The following PSMD14 variants were observed in gnomAD, a reference collection of about 807,000 sequenced individuals.
PSMD14 encodes proteasome 26S subunit, non-ATPase 14, also known as ubiquitin C-terminal hydrolase PSMD14.
PSMD14 carries 7 observed loss-of-function variants against 41.2 expected under a neutral mutation model. The ratio of observed to expected loss-of-function variants is 0.17; its 90% CI spans 0.10 to 0.32. PSMD14 has a LOEUF of 0.32. Among genes scored for constraint, PSMD14 ranks in the 10% least tolerant of loss-of-function variants. The pLI, the probability that PSMD14 is intolerant of heterozygous loss-of-function variation, is 1.00. For missense variants in PSMD14, 139 were observed against 375.6 expected, an observed-to-expected ratio of 0.37 and a Z score of 5.21; for synonymous variants, 114 against 122.3, an observed-to-expected ratio of 0.93 and a Z score of 0.45.
chr2:161,361,539 G>T (rs919416306), intron 3 of PSMD14, among the ~76,000 whole-genome samples: 5 of 151,470 alleles, frequency 3.3e-5, no homozygotes, highest in Non-Finnish European at 5.9e-5. Flanking sequence ...TTTTCAGTTT[G>T]TTTTATAACT....
At chr2:161,403,245 C>T (rs1683905188) in intron 10 of PSMD14, among the ~76,000 whole-genome samples, 1 of 152,156 alleles carries the variant, frequency 6.6e-6, no homozygotes, top group Admixed American at 6.5e-5. Flanking sequence ...CATGCTACTA[C>T]ATGGATGGAC....
At chr2:161,377,948 A>G (rs1683523678) in intron 7 of PSMD14, among the ~76,000 whole-genome samples, 1 of 151,924 alleles carries the variant, frequency 6.6e-6, no homozygotes, top group Non-Finnish European at 1.5e-5. Flanking sequence ...CCAGTTTTGT[A>G]CCAGCAAGTG....
chr2:161,342,574 T>C (rs2105242844), intron 3 of PSMD14, among the ~76,000 whole-genome samples: 1 of 152,270 alleles, frequency 6.6e-6, no homozygotes, highest in South Asian at 2.1e-4. Context: ...TGAAATAAGT[T>C]TCTTGTAGGC....
intron 3 of PSMD14, among the ~76,000 whole-genome samples, chr2:161,333,272 T>C (rs190029187): frequency 2.6e-5 from 4 of 152,382 alleles, no homozygotes; most frequent in South Asian, 2.1e-4. Flanking sequence ...TGCCTGTGCA[T>C]GTGATTAGAT....
chr2:161,351,734 G>A (rs1267538864), intron 3 of PSMD14, among the ~76,000 whole-genome samples: 2 of 152,156 alleles, frequency 1.3e-5, no homozygotes, highest in African/African-American at 2.4e-5. Context: ...TGGGTCGTCT[G>A]GGTGCTCTGT....
At chr2:161,365,060 C>T (rs1314149455) in intron 3 of PSMD14, among the ~76,000 whole-genome samples, 2 of 152,094 alleles carry the variant, frequency 1.3e-5, no homozygotes, top group South Asian at 4.2e-4. Context: ...GAGCCAAGAT[C>T]GCGCCATTGC....
intron 7 of PSMD14, among the ~76,000 whole-genome samples, chr2:161,373,876 TG>T: frequency 6.6e-6 from 1 of 152,084 alleles, no homozygotes; most frequent in Admixed American, 6.6e-5. Context: ...ATATTTTTAT[TG>T]AATAATTGCT....
At chr2:161,391,241 C>A in intron 9 of PSMD14, 63 bp downstream of exon 9, 2 of 1,412,744 alleles carry the variant, frequency 1.4e-6, no homozygotes, top group Non-Finnish European at 1.9e-6. Flanking sequence ...TAAACTATTA[C>A]CTGGTATGTG....
At chr2:161,313,133 A>G (rs1019864021) in intron 1 of PSMD14, among the ~76,000 whole-genome samples, 2 of 152,158 alleles carry the variant, frequency 1.3e-5, no homozygotes, top group African/African-American at 4.8e-5. Flanking sequence ...ACTCAAGGAC[A>G]GGGAACTTGT....
intron 8 of PSMD14, 84 bp from the exon 9 acceptor site, chr2:161,391,020 T>C (rs1683704149): frequency 8.1e-7 from 1 of 1,240,224 alleles, no homozygotes; most frequent in Non-Finnish European, 1.1e-6. Flanking sequence ...ACAGGTATTA[T>C]GTAAGAATAT....
At chr2:161,348,589 A>G (rs1164642608) in intron 3 of PSMD14, among the ~76,000 whole-genome samples, 1 of 152,232 alleles carries the variant, frequency 6.6e-6, no homozygotes, top group African/African-American at 2.4e-5. Context: ...ATGAAAAAGC[A>G]CATGGAGGAA....
rs148676457 is a variant in PSMD14, at chr2:161,335,800, G to T, written c.48+16927G>T. Among the ~76,000 whole-genome samples the T allele has an allele frequency of 4.1e-4, 62 of 152,290 alleles. 2 individuals carry two copies. The East Asian group carries it at 0.012, about 29-fold the overall frequency. ...TATGGTAGAAAGAATACAGGATTTG[G>T]CTTTGAATTTAGGCTTTACTACTTA... On this transcript the variant is annotated intron_variant, in intron 3 of 11. Coordinates refer to ENST00000409682, the MANE Select transcript of PSMD14 (RefSeq NM_005805.6).
In PSMD14 at chr2:161,347,412, G is replaced by A. The variant is rs551477527; in HGVS notation, c.49-20066G>A. 4.6e-5 allele frequency among the ~76,000 whole-genome samples: 7 copies of A among 152,194 alleles called. No homozygotes were observed. In the East Asian group the frequency reaches 1.2e-3, roughly 25 times the overall value. Reference sequence around the variant, plus strand: ...TCCTGCTCCAGTCTCCTGAGTACCTGGGACTACAGGCATGAGCCCACTGCA... The same window carrying A: ...TCCTGCTCCAGTCTCCTGAGTACCTAGGACTACAGGCATGAGCCCACTGCA... On this transcript the variant is annotated intron_variant, in intron 3 of 11. Transcript: ENST00000409682.
In PSMD14 at chr2:161,357,590, T is replaced by C. The variant is rs1380487405; in HGVS notation, c.49-9888T>C. Among the ~76,000 whole-genome samples the C allele has an allele frequency of 2.0e-5, 3 of 152,310 alleles. No homozygotes were observed. The East Asian group carries it at 5.8e-4, about 29-fold the overall frequency. ...CCTTGTTTTACAAGGGATATGTGCA[T>C]TTTAGTTTCATATTTTTTACAGAAG... On this transcript the variant is annotated intron_variant, in intron 3 of 11. Coordinates refer to ENST00000409682, the MANE Select transcript of PSMD14 (RefSeq NM_005805.6).
intron 3 of PSMD14, among the ~76,000 whole-genome samples, chr2:161,337,546 C>T (rs768963336): frequency 3.2e-4 from 48 of 152,246 alleles, no homozygotes; most frequent in Non-Finnish European, 5.9e-4. Context: ...ATCTCTGCAC[C>T]TAATCAATAT....
intron 10 of PSMD14, among the ~76,000 whole-genome samples, chr2:161,399,880 A>G (rs1683851668): frequency 6.6e-6 from 1 of 152,220 alleles, no homozygotes; most frequent in East Asian, 1.9e-4. Context: ...AAATTTCACA[A>G]AAACATACAG....
intron 7 of PSMD14, among the ~76,000 whole-genome samples, chr2:161,374,562 C>A (rs1331021544): frequency 6.6e-6 from 1 of 151,946 alleles, no homozygotes; most frequent in African/African-American, 2.4e-5. Context: ...ACAGAAGTTA[C>A]CAGTGAGTTC....
intron 10 of PSMD14, among the ~76,000 whole-genome samples, chr2:161,403,465 G>A (rs1221459723): frequency 3.9e-5 from 6 of 152,178 alleles, no homozygotes; most frequent in Admixed American, 2.0e-4. Context: ...TGGAATACAG[G>A]TGATTGGGGC....
At chr2:161,356,122 A>G (rs1364786274) in intron 3 of PSMD14, among the ~76,000 whole-genome samples, 1 of 152,142 alleles carries the variant, frequency 6.6e-6, no homozygotes, top group Non-Finnish European at 1.5e-5. Context: ...AACAGCTGAA[A>G]TCATGCATTG....
Sources: gnomAD v4.1 joint callset for allele counts (sites outside exome capture counted in the v4.1 genomes callset) on GRCh38, gnomAD v4.1.1 for gene constraint, MANE v1.5 for transcripts, NCBI Gene and HGNC (gene_info 2026-07-23, HGNC 2026-07-21) for gene names.